The following NCOA6 variants were observed in gnomAD, a reference collection of about 807,000 sequenced individuals.
The protein encoded by NCOA6 is nuclear receptor coactivator 6.
NCOA6 carries 49 observed loss-of-function variants against 171.4 expected under a neutral mutation model. That is an observed-to-expected ratio of 0.29 (90% CI 0.23 to 0.36). NCOA6 has a LOEUF of 0.36. Ranked by LOEUF, NCOA6 falls within the 10% of genes least tolerant of loss-of-function variation. NCOA6 has a pLI of 1.00. For synonymous variants in NCOA6, 910 were observed against 927.5 expected (o/e 0.98, Z 0.34); for missense variants, 2,248 against 2,554.5 (o/e 0.88, Z 2.59).
intron 2 of NCOA6, among the ~76,000 whole-genome samples, chr20:34,785,788 G>T (rs2077657615): frequency 6.6e-6 from 1 of 151,640 alleles, no homozygotes; most frequent in Admixed American, 6.6e-5. Flanking sequence ...GTCATGACAT[G>T]AGGACTATGT....
At chr20:34,772,670 T>G (rs537020022) in intron 4 of NCOA6, among the ~76,000 whole-genome samples, 1 of 151,190 alleles carries the variant, frequency 6.6e-6, no homozygotes, top group Non-Finnish European at 1.5e-5. Context: ...ATAATGCACA[T>G]GTAGTGGAGT....
At chr20:34,761,833 T>G (rs1263703570) in intron 5 of NCOA6, among the ~76,000 whole-genome samples, 6 of 152,132 alleles carry the variant, frequency 3.9e-5, no homozygotes, top group Non-Finnish European at 8.8e-5. Flanking sequence ...TTTTTGTATT[T>G]TTAGTAGAGA....
intron 11 of NCOA6, among the ~76,000 whole-genome samples, chr20:34,740,087 T>A (rs950059618): frequency 1.3e-5 from 2 of 152,186 alleles, no homozygotes; most frequent in Non-Finnish European, 2.9e-5. Context: ...GGTCTCGAAT[T>A]CCTGACCTCA....
intron 1 of NCOA6, among the ~76,000 whole-genome samples, chr20:34,801,758 G>A (rs111248642): frequency 9.9e-5 from 15 of 152,152 alleles, no homozygotes; most frequent in African/African-American, 2.4e-4. Flanking sequence ...CTATCTACTC[G>A]GGAGGCTGAG....
At chr20:34,759,027 T>TTG in intron 5 of NCOA6, 94 bp from the exon 6 acceptor site, 2 of 1,416,296 alleles carry the variant, frequency 1.4e-6, no homozygotes, top group Non-Finnish European at 1.9e-6. Context: ...TATGGAAAAT[T>TTG]TGTTTTTTTT....
At chr20:34,736,628 G>C in intron 12 of NCOA6, 62 bp downstream of exon 12, 1 of 1,344,044 alleles carries the variant, frequency 7.4e-7, no homozygotes, top group East Asian at 2.4e-5. Context: ...ATTGAGGACA[G>C]CAGTAGTTCC....
intron 4 of NCOA6, 83 bp from the exon 5 acceptor site, chr20:34,768,669 GT>G: frequency 6.8e-7 from 1 of 1,480,206 alleles, no homozygotes; most frequent in Non-Finnish European, 9.2e-7. Flanking sequence ...AAGTGCTTTA[GT>G]TTTCTGTGCT....
intron 2 of NCOA6, among the ~76,000 whole-genome samples, chr20:34,788,452 T>C (rs2077757115): frequency 6.6e-6 from 1 of 152,150 alleles, no homozygotes; most frequent in African/African-American, 2.4e-5. Flanking sequence ...GTCAGGTCAT[T>C]GCCACGGAGA....
rs191962838 is a variant in NCOA6 at position 34,765,427 on chromosome 20, G to A, written c.514+3037C>T. The stretch of plus-strand genomic sequence containing the variant: ...TGCATTCCAGCCTAGGCGACAGAGC[G>A]AGAGTCCGTCTCAAAAAAAAAAAAA... On this transcript the variant is annotated intron_variant, in intron 5 of 14. Coordinates refer to ENST00000359003, the MANE Select transcript of NCOA6 (RefSeq NM_014071.5). 1.4e-4 allele frequency among the ~76,000 whole-genome samples: 19 copies of A among 139,628 alleles called. No homozygotes were observed. The East Asian group carries it at 1.5e-3, about 11-fold the overall frequency. The allele number at this position is 139,628 out of a possible 152,430, so 91.6% of individuals were successfully genotyped here.
At chr20:34,770,273 T>C (rs1279219477) in intron 4 of NCOA6, among the ~76,000 whole-genome samples, 1 of 152,008 alleles carries the variant, frequency 6.6e-6, no homozygotes, top group Non-Finnish European at 1.5e-5. Flanking sequence ...CTTTTGACCT[T>C]GTGATCCGCC....
intron 1 of NCOA6, among the ~76,000 whole-genome samples, chr20:34,800,755 A>T (rs1360995389): frequency 6.6e-6 from 1 of 152,196 alleles, no homozygotes; most frequent in Non-Finnish European, 1.5e-5. Flanking sequence ...ACCCCAATAC[A>T]GTAAGAGCTG....
chr20:34,815,395 A>G (rs1187427878), intron 1 of NCOA6, among the ~76,000 whole-genome samples: 2 of 152,064 alleles, frequency 1.3e-5, no homozygotes, highest in East Asian at 3.8e-4. Flanking sequence ...ATAATAATTT[A>G]AAAATAAAAA....
rs1449831251 is a variant in NCOA6 at position 34,817,134 on chromosome 20, A to AAAAAGCAAAAGC, written c.-164+8326_-164+8337dup. Among the ~76,000 whole-genome samples the AAAAAGCAAAAGC allele has an allele frequency of 6.7e-4, 84 of 126,294 alleles. 9 individuals are homozygous for AAAAAGCAAAAGC. The highest frequency in any genetic ancestry group is 1.3e-3 in the Non-Finnish European group (70 of 55,878). The allele number at this position is 126,294 out of a possible 152,430, so 82.9% of individuals were successfully genotyped here. A position where few individuals can be genotyped will look rare whatever the true frequency, so the allele number is the denominator to read the frequency against. On this transcript the variant is annotated intron_variant, in intron 1 of 14. Transcript: ENST00000359003. ...TGAGACTCCATCACACACACACACA[A>AAAAAGCAAAAGC]AAAAGCAAAAGCAAAAGCAAAAGAA...
At chr20:34,724,117 T>A (rs1989686878) in intron 14 of NCOA6, among the ~76,000 whole-genome samples, 1 of 152,214 alleles carries the variant, frequency 6.6e-6, no homozygotes, top group Middle Eastern at 3.2e-3. Flanking sequence ...CAAACTAGTT[T>A]CTGCCTAGAG....
chr20:34,751,167 G>A (rs1003754768), intron 8 of NCOA6, among the ~76,000 whole-genome samples: 15 of 150,690 alleles, frequency 1.0e-4, no homozygotes, highest in Non-Finnish European at 1.8e-4. Context: ...TCAGGAGATC[G>A]AGACCATCCT....
At chr20:34,720,789 A>G (rs1157455550) in intron 14 of NCOA6, among the ~76,000 whole-genome samples, 1 of 152,188 alleles carries the variant, frequency 6.6e-6, no homozygotes, top group Non-Finnish European at 1.5e-5. Context: ...CATTTTAGAA[A>G]CCAGCTTGAT....
At chr20:34,802,334 G>T (rs192131899) in intron 1 of NCOA6, among the ~76,000 whole-genome samples, 64 of 152,334 alleles carry the variant, frequency 4.2e-4, no homozygotes, top group South Asian at 2.9e-3. Context: ...AGGCACAGTA[G>T]CTCACACCTG....
intron 5 of NCOA6, among the ~76,000 whole-genome samples, chr20:34,764,666 C>T (rs188120452): frequency 0.014 from 2,063 of 149,644 alleles, 44 homozygotes; most frequent in African/African-American, 0.049. Flanking sequence ...GCTTGGGTGA[C>T]AGAGCGAGAC....
At chr20:34,810,965 A>G (rs1397799553) in intron 1 of NCOA6, among the ~76,000 whole-genome samples, 6 of 151,812 alleles carry the variant, frequency 4.0e-5, no homozygotes, top group Non-Finnish European at 8.8e-5. Context: ...ATTATTTTTG[A>G]TATGAAAATA....
Sources: allele counts gnomAD v4.1 joint callset (sites outside exome capture counted in the v4.1 genomes callset), GRCh38; gene constraint gnomAD v4.1.1; transcripts MANE v1.5; gene names NCBI Gene and HGNC (gene_info 2026-07-23, HGNC 2026-07-21).